The following VCAN variants were observed in gnomAD, a reference collection of about 807,000 sequenced individuals.
VCAN encodes versican, also known as versican core protein.
In VCAN, 44 loss-of-function variants were observed where a neutral mutation model predicts 245.5. The observed-to-expected ratio is 0.18, with a 90% CI of 0.14 to 0.23. The LOEUF (loss-of-function observed/expected upper bound fraction) is 0.23, where lower values mean the gene tolerates loss of function less well. Ranked by LOEUF, VCAN falls within the 10% of genes least tolerant of loss-of-function variation. The pLI is 1.00. For missense variants in VCAN, 3,793 were observed against 4,057.9 expected (o/e 0.93, Z 1.77); for synonymous variants, 1,413 against 1,437.0 (o/e 0.98, Z 0.38).
At chr5:83,555,694 A>G (rs968744834) in intron 12 of VCAN, among the ~76,000 whole-genome samples, 1 of 152,142 alleles carries the variant, frequency 6.6e-6, no homozygotes, top group Non-Finnish European at 1.5e-5. Context: ...TTCAAATATG[A>G]TTGTCTATAC....
chr5:83,521,292 G>A lies in VCAN; in HGVS notation c.2986G>A (p.Val996Ile). ...LVPSVPSEDE[V>I]LGEPSQDILV... ...ACCTTCTGTTCCATCAGAAGATGAA[G>A]TTCTAGGTGAACCCTCTCAAGACAT... The change falls in exon 7 of 15, where the codon GTT becomes ATT. Residue 996 changes from valine to isoleucine, a missense_variant. This residue lies in a region of VCAN where 3,182 missense variants were observed against 3,250.3 expected (regional missense o/e 0.98). Transcript: ENST00000265077. The A allele has an allele frequency of 6.2e-7, 1 of 1,614,048 alleles. No individual in the cohort carries two copies. Among genetic ancestry groups the A allele is most frequent in the Non-Finnish European group, 8.5e-7 (1 of 1,179,926 alleles).
intron 12 of VCAN, among the ~76,000 whole-genome samples, chr5:83,565,398 T>A (rs931768759): frequency 1.1e-5 from 1 of 94,428 alleles, no homozygotes; most frequent in African/African-American, 3.7e-5. Context: ...AGGGTGTGTG[T>A]GTGTGTGTGT....
At chr5:83,511,089 G>A (rs1311427703) in intron 5 of VCAN, among the ~76,000 whole-genome samples, 1 of 151,606 alleles carries the variant, frequency 6.6e-6, no homozygotes. Context: ...ACTGCAGCCT[G>A]GGCTACTGAG....
Position 83,518,840 on chromosome 5 carries a change from C to T in VCAN, c.1043-509C>T, listed in dbSNP as rs561393275. 4.5e-3 allele frequency among the ~76,000 whole-genome samples: 689 copies of T among 152,146 alleles called. 3 individuals carry two copies. Among genetic ancestry groups the T allele is most frequent in the Non-Finnish European group, 7.2e-3 (488 of 67,990 alleles). ...TTCATGTGGCTTTTTTGTTGTTTTG[C>T]AATCTGAGACACACCCTCTCCCCTG... On this transcript the variant is annotated intron_variant, in intron 6 of 14. Transcript: ENST00000265077.
At position 83,521,461 on chromosome 5, in the gene VCAN, C is replaced by T. The variant is rs750510960; in HGVS notation, c.3155C>T (p.Thr1052Ile). Residue 1052 changes from threonine to isoleucine, a missense_variant, in exon 7 of 15, where the codon ACA becomes ATA. Physicochemically the swap from Thr to Ile is moderately conservative, Grantham distance 89 (BLOSUM62 -1). Coordinates refer to ENST00000265077, the MANE Select transcript of VCAN (RefSeq NM_004385.5). ...AAACCAGTTCCTGCTCTCAGTTCTA[C>T]AGCTTGGACTCCCAAGGAGGCAGTA... ...AEKPVPALSSTAWTPKEAVTP... is the reference protein window; with the variant it reads ...AEKPVPALSSIAWTPKEAVTP... The T allele has an allele frequency of 6.2e-7, 1 of 1,614,104 alleles. No individual in the cohort carries two copies. The highest frequency in any genetic ancestry group is 1.3e-5 in the African/African-American group (1 of 75,054).
intron 1 of VCAN, among the ~76,000 whole-genome samples, chr5:83,478,328 A>G (rs1289068219): frequency 6.6e-6 from 1 of 152,224 alleles, no homozygotes; most frequent in Non-Finnish European, 1.5e-5. Flanking sequence ...GTTGTATGAA[A>G]GTAAATAGGT....
chr5:83,533,539 A>G (rs565502755), intron 7 of VCAN, among the ~76,000 whole-genome samples: 36 of 152,246 alleles, frequency 2.4e-4, no homozygotes, highest in African/African-American at 8.7e-4. Flanking sequence ...TGAGAAATCA[A>G]TGAGCATCTG....
In VCAN at chr5:83,521,356, C is replaced by G. The variant is rs1438590616; in HGVS notation, c.3050C>G (p.Ser1017Cys). The change falls in exon 7 of 15, where the codon TCT (serine) becomes TGT (cysteine). Residue 1017 changes from serine (S) to cysteine (C), a missense_variant. By Grantham distance (112) the Ser-to-Cys change is moderately radical (BLOSUM62 -1). This residue lies in a region of VCAN where 3,182 missense variants were observed against 3,250.3 expected (regional missense o/e 0.98). Coordinates refer to ENST00000265077, the MANE Select transcript of VCAN (RefSeq NM_004385.5). Reference protein sequence around the residue: ...IDQTRLEATISPETMRTTKIT... With the variant: ...IDQTRLEATICPETMRTTKIT... Reference sequence around the variant, plus strand: ...CAGACTCGCCTTGAAGCGACTATTTCTCCAGAAACTATGAGAACAACAAAA... The same window carrying G: ...CAGACTCGCCTTGAAGCGACTATTTGTCCAGAAACTATGAGAACAACAAAA... 4 of 1,613,972 alleles carry G rather than the reference C, an allele frequency of 2.5e-6. No homozygotes were observed. The Admixed American group carries it at 6.7e-5, about 27-fold the overall frequency.
chr5:83,485,164 G>A (rs1019134466), intron 2 of VCAN, among the ~76,000 whole-genome samples: 5 of 152,116 alleles, frequency 3.3e-5, no homozygotes, highest in African/African-American at 7.2e-5. Context: ...CAGCTTGCTC[G>A]AACGCCCATA....
At chr5:83,546,079 A>G (rs976264399) in intron 9 of VCAN, among the ~76,000 whole-genome samples, 1 of 152,112 alleles carries the variant, frequency 6.6e-6, no homozygotes, top group African/African-American at 2.4e-5. Flanking sequence ...TTTTCTTCTC[A>G]TTTGGAATGG....
In VCAN at chr5:83,542,284, T is replaced by C; in HGVS notation, c.9265+16T>C. The C allele has an allele frequency of 6.2e-7, 1 of 1,608,496 alleles. No individual in the cohort carries two copies. The highest frequency in any genetic ancestry group is 1.1e-5 in the South Asian group (1 of 91,054). On this transcript the variant is annotated intron_variant, in intron 8 of 14. Transcript: ENST00000265077. Reference sequence around the variant, plus strand: ...TATTTACCAGGTAAGATCACAACATTGATAAATCTGTTTCCAAACCTGGAA... The same window carrying C: ...TATTTACCAGGTAAGATCACAACATCGATAAATCTGTTTCCAAACCTGGAA...
chr5:83,549,145 A>C (rs2112462898), intron 10 of VCAN, among the ~76,000 whole-genome samples: 1 of 152,352 alleles, frequency 6.6e-6, no homozygotes, highest in Middle Eastern at 3.4e-3. Flanking sequence ...CAGTTGAGAC[A>C]TTCCAATATG....
At chr5:83,549,372 G>A (rs977049588) in intron 10 of VCAN, among the ~76,000 whole-genome samples, 1 of 152,168 alleles carries the variant, frequency 6.6e-6, no homozygotes, top group African/African-American at 2.4e-5. Context: ...CTGGCACATT[G>A]TTTCATTTGG....
chr5:83,509,992 A>G lies in VCAN; in HGVS notation c.749-2111A>G, dbSNP rs527716083. Among the ~76,000 whole-genome samples the G allele has an allele frequency of 2.0e-5, 3 of 152,326 alleles. No homozygotes were observed. In the South Asian group the frequency reaches 6.2e-4, roughly 32 times the overall value. ...GAACTTGAAGTGCCATTCATTTAAC[A>G]AATCTTATTGAATACATACTATGTA... On this transcript the variant is annotated intron_variant, in intron 5 of 14. Transcript: ENST00000265077.
intron 5 of VCAN, among the ~76,000 whole-genome samples, chr5:83,506,517 T>A (rs1292564815): frequency 2.5e-5 from 2 of 78,562 alleles, no homozygotes; most frequent in African/African-American, 1.4e-4. Flanking sequence ...TGGACCTTAT[T>A]GTCAATATCA....
chr5:83,498,151 C>T (rs944003281), intron 5 of VCAN, among the ~76,000 whole-genome samples: 1 of 152,130 alleles, frequency 6.6e-6, no homozygotes, highest in African/African-American at 2.4e-5. Flanking sequence ...CACAAGCTTC[C>T]AGCACTTTGA....
intron 5 of VCAN, among the ~76,000 whole-genome samples, chr5:83,497,840 C>T (rs1745207783): frequency 1.3e-5 from 2 of 152,130 alleles, no homozygotes; most frequent in Admixed American, 6.6e-5. Context: ...CTGATGGTAG[C>T]AGATACTTTA....
At chr5:83,485,381 G>A (rs1744758646) in intron 2 of VCAN, among the ~76,000 whole-genome samples, 1 of 147,992 alleles carries the variant, frequency 6.8e-6, no homozygotes, top group South Asian at 2.1e-4. Flanking sequence ...TCTAGCCTGG[G>A]CAACAAGAGC....
At chr5:83,509,633 T>C (rs2112386626) in intron 5 of VCAN, among the ~76,000 whole-genome samples, 1 of 152,328 alleles carries the variant, frequency 6.6e-6, no homozygotes, top group Non-Finnish European at 1.5e-5. Flanking sequence ...TCTCAGGAAA[T>C]GCAGGAAACT....
Sources: allele counts gnomAD v4.1 joint callset (sites outside exome capture counted in the v4.1 genomes callset), GRCh38; gene constraint gnomAD v4.1.1; regional missense constraint gnomAD v4.1.1; transcripts MANE v1.5; gene names NCBI Gene and HGNC (gene_info 2026-07-23, HGNC 2026-07-21).